IL1RAPL1: variants seen among roughly 807,000 people sequenced by gnomAD.
The protein encoded by IL1RAPL1 is interleukin 1 receptor accessory protein like 1.
A neutral mutation model predicts 48.4 loss-of-function variants in IL1RAPL1; 3 were observed. The ratio of observed to expected loss-of-function variants is 0.06; its 90% CI spans 0.03 to 0.16. The LOEUF is 0.16. IL1RAPL1 is among the 10% of genes least tolerant of loss of function. The pLI is 1.00. For missense variants in IL1RAPL1, 349 were observed against 530.6 expected (o/e 0.66, Z 3.36); for synonymous variants, 185 against 187.7 (o/e 0.99, Z 0.12).
intron 5 of IL1RAPL1, among the ~76,000 whole-genome samples, chrX:29,636,628 C>T (rs1163063814): frequency 4.5e-5 from 5 of 112,076 alleles, no homozygotes; most frequent in Non-Finnish European, 9.4e-5. Flanking sequence ...GGCCAATCTC[C>T]TATACTGTCA....
chrX:29,073,500 T>C (rs931773529), intron 2 of IL1RAPL1, among the ~76,000 whole-genome samples: 3 of 111,927 alleles, frequency 2.7e-5, no homozygotes, highest in Admixed American at 9.5e-5. Flanking sequence ...TTTTCAATCA[T>C]ATGCCTGCTG....
At chrX:29,857,201 C>G (rs1181153688) in intron 6 of IL1RAPL1, among the ~76,000 whole-genome samples, 1 of 111,005 alleles carries the variant, frequency 9.0e-6, no homozygotes, top group Admixed American at 9.6e-5. Context: ...TCAAATAGCA[C>G]AAGAGAAAAA....
At chrX:28,780,997 T>C (rs1349381652) in intron 1 of IL1RAPL1, among the ~76,000 whole-genome samples, 1 of 111,717 alleles carries the variant, frequency 9.0e-6, no homozygotes, top group Non-Finnish European at 1.9e-5. Context: ...TATTAGTCAA[T>C]AGAAAATATA....
intron 1 of IL1RAPL1, among the ~76,000 whole-genome samples, chrX:28,597,844 T>A (rs1476986523): frequency 9.1e-6 from 1 of 109,731 alleles, no homozygotes; most frequent in African/African-American, 3.3e-5. Context: ...GATTCTGTAA[T>A]GGGGCTGATC....
chrX:29,873,503 A>G (rs1931843349), intron 6 of IL1RAPL1, among the ~76,000 whole-genome samples: 1 of 110,846 alleles, frequency 9.0e-6, no homozygotes, highest in Non-Finnish European at 1.9e-5. Flanking sequence ...AAGAGGCCCA[A>G]GGGAGTTTGT....
chrX:29,855,877 C>G (rs376761138), intron 6 of IL1RAPL1, among the ~76,000 whole-genome samples: 1 of 111,172 alleles, frequency 9.0e-6, no homozygotes, highest in African/African-American at 3.3e-5. Context: ...GTGGTAGCTA[C>G]TCTTACTGTC....
intron 2 of IL1RAPL1, among the ~76,000 whole-genome samples, chrX:29,228,329 C>T (rs1168174222): frequency 2.9e-5 from 1 of 35,006 alleles, no homozygotes; most frequent in Non-Finnish European, 7.0e-5. Flanking sequence ...TTTAGTTTTG[C>T]CTAGTGTGTG....
intron 6 of IL1RAPL1, among the ~76,000 whole-genome samples, chrX:29,685,099 C>T (rs1926578732): frequency 8.9e-6 from 1 of 112,357 alleles, no homozygotes; most frequent in Admixed American, 9.4e-5. Flanking sequence ...ATTTAGAAAA[C>T]CTGTAACAAC....
At chrX:28,957,973 AAAT>A (rs1924660590) in intron 2 of IL1RAPL1, among the ~76,000 whole-genome samples, 1 of 110,368 alleles carries the variant, frequency 9.1e-6, no homozygotes, top group Admixed American at 9.7e-5. Flanking sequence ...AATAAAATAA[AAAT>A]AAAATATTAT....
At chrX:28,945,565 CAG>C (rs1924277477) in intron 2 of IL1RAPL1, among the ~76,000 whole-genome samples, 1 of 109,655 alleles carries the variant, frequency 9.1e-6, no homozygotes, top group Non-Finnish European at 1.9e-5. Flanking sequence ...ACACATGACA[CAG>C]GGAGGGGAGC....
chrX:29,537,694 A>G (rs954338825), intron 5 of IL1RAPL1, among the ~76,000 whole-genome samples: 1 of 110,476 alleles, frequency 9.1e-6, no homozygotes, highest in East Asian at 2.8e-4. Flanking sequence ...AATAAAGACT[A>G]TGAGGGTTGT....
At chrX:28,989,273 T>C (rs1925546873) in intron 2 of IL1RAPL1, among the ~76,000 whole-genome samples, 1 of 112,545 alleles carries the variant, frequency 8.9e-6, no homozygotes, top group African/African-American at 3.2e-5. Flanking sequence ...GTACATCTCT[T>C]ATCTTCTGCA....
chrX:29,832,117 A>G (rs956678734), intron 6 of IL1RAPL1, among the ~76,000 whole-genome samples: 5 of 112,012 alleles, frequency 4.5e-5, no homozygotes, highest in African/African-American at 1.6e-4. Flanking sequence ...AAGAAATGCT[A>G]TTCTACTTCT....
chrX:29,925,900 G>T (rs1327412485), intron 8 of IL1RAPL1, among the ~76,000 whole-genome samples: 1 of 112,236 alleles, frequency 8.9e-6, no homozygotes, highest in Non-Finnish European at 1.9e-5. Context: ...CAAAGTTGCA[G>T]ACATGACTAT....
chrX:29,394,546 T>C (rs1210854874), intron 3 of IL1RAPL1, among the ~76,000 whole-genome samples: 1 of 112,485 alleles, frequency 8.9e-6, no homozygotes, highest in Non-Finnish European at 1.9e-5. Flanking sequence ...TCTTATTCAG[T>C]CTCTAAGATA....
intron 6 of IL1RAPL1, among the ~76,000 whole-genome samples, chrX:29,826,817 G>T (rs1367570284): frequency 9.0e-6 from 1 of 111,638 alleles, no homozygotes; most frequent in Non-Finnish European, 1.9e-5. Context: ...TCAGTGGTTT[G>T]GTTTTTGTGA....
At chrX:29,339,592 A>G (rs1280163711) in intron 3 of IL1RAPL1, among the ~76,000 whole-genome samples, 1 of 112,222 alleles carries the variant, frequency 8.9e-6, no homozygotes, top group Non-Finnish European at 1.9e-5. Context: ...GATATGCAGT[A>G]TTATACAGTT....
chrX:29,152,417 C>G (rs73212110), intron 2 of IL1RAPL1, among the ~76,000 whole-genome samples: 6,618 of 111,512 alleles, frequency 0.059, 199 homozygotes, highest in African/African-American at 0.11. Flanking sequence ...CTCATATTGT[C>G]TCCTTTTCTT....
At chrX:29,549,991 C>T (rs1462402183) in intron 5 of IL1RAPL1, among the ~76,000 whole-genome samples, 3 of 111,075 alleles carry the variant, frequency 2.7e-5, no homozygotes, top group Non-Finnish European at 3.8e-5. Flanking sequence ...TAGATATTTC[C>T]CTCTCTTAAA....
Sources: allele counts gnomAD v4.1 joint callset (sites outside exome capture counted in the v4.1 genomes callset), GRCh38; gene constraint gnomAD v4.1.1; transcripts MANE v1.5; gene names NCBI Gene and HGNC (gene_info 2026-07-23, HGNC 2026-07-21).